SLC39A11: variants seen among roughly 807,000 people sequenced by gnomAD.
SLC39A11 encodes solute carrier family 39 member 11.
In SLC39A11, 33 loss-of-function variants were observed where a neutral mutation model predicts 36.1. The ratio of observed to expected loss-of-function variants is 0.91; its 90% confidence interval spans 0.69 to 1.22. SLC39A11 has a LOEUF of 1.22. Ranked by LOEUF, SLC39A11 falls within the 50% of genes most tolerant of loss-of-function variation. The pLI is 0.00. For missense variants in SLC39A11, 432 were observed against 430.3 expected, an observed-to-expected ratio of 1.00 and a Z score of -0.03; for synonymous variants, 166 against 170.3, an observed-to-expected ratio of 0.97 and a Z score of 0.20.
chr17:72,883,004 C>A (rs4131013), intron 5 of SLC39A11, among the ~76,000 whole-genome samples: 51,741 of 151,436 alleles, frequency 0.34, 9,322 homozygotes, highest in East Asian at 0.71. Flanking sequence ...ATCATGTTGG[C>A]CAGGCTGGTC....
chr17:72,985,927 T>C (rs2088711400), intron 4 of SLC39A11, among the ~76,000 whole-genome samples: 1 of 151,850 alleles, frequency 6.6e-6, no homozygotes, highest in Non-Finnish European at 1.5e-5. Flanking sequence ...AAAGGAGAAA[T>C]TTGGACACAG....
At position 72,761,803 on chromosome 17, in the gene SLC39A11, T is replaced by C. The variant is rs140544983; in HGVS notation, c.602-25084A>G. ...TTATGGGCCAATTGCAATGTCCTAATGAGCAACATGCAATGCTCAGATCAA... is the reference window on the plus strand; with the variant it reads ...TTATGGGCCAATTGCAATGTCCTAACGAGCAACATGCAATGCTCAGATCAA... On this transcript the variant is annotated intron_variant, in intron 6 of 9. Transcript: ENST00000255559. Among the ~76,000 whole-genome samples the C allele has an allele frequency of 1.3e-4, 20 of 152,312 alleles. No homozygotes were observed. In the East Asian group the frequency reaches 3.7e-3, roughly 28 times the overall value.
At chr17:72,953,636 T>G (rs2086027184) in intron 4 of SLC39A11, among the ~76,000 whole-genome samples, 1 of 152,182 alleles carries the variant, frequency 6.6e-6, no homozygotes, top group African/African-American at 2.4e-5. Context: ...ATATTAAGTC[T>G]ACAAGGGCGA....
In SLC39A11 at chr17:72,862,960, A is replaced by G. The variant is rs964112516; in HGVS notation, c.431-13156T>C. Among the ~76,000 whole-genome samples the G allele has an allele frequency of 6.6e-5, 10 of 152,148 alleles. No homozygotes were observed. In the East Asian group the frequency reaches 1.9e-3, roughly 29 times the overall value. ...CATGCAAAAACAAAACACAAAACAA[A>G]CGACAAGAAAACCCCACAAAAGCAC... On this transcript the variant is annotated intron_variant, in intron 5 of 9. Coordinates refer to ENST00000255559, the MANE Select transcript of SLC39A11 (RefSeq NM_139177.4).
chr17:72,791,213 G>A (rs566935745), intron 6 of SLC39A11, among the ~76,000 whole-genome samples: 8 of 152,318 alleles, frequency 5.3e-5, no homozygotes, highest in South Asian at 2.1e-4. Flanking sequence ...CCAACACTTC[G>A]GGAGGCCGAG....
intron 3 of SLC39A11, among the ~76,000 whole-genome samples, chr17:73,061,708 T>C (rs2059844532): frequency 6.6e-6 from 1 of 152,166 alleles, no homozygotes; most frequent in African/African-American, 2.4e-5. Context: ...TTAAAAGTTC[T>C]GTGCAGGCTG....
intron 6 of SLC39A11, among the ~76,000 whole-genome samples, chr17:72,763,143 G>C (rs566391046): frequency 6.6e-6 from 1 of 152,160 alleles, no homozygotes; most frequent in South Asian, 2.1e-4. Flanking sequence ...GCTCCCAACA[G>C]GATTTAGATT....
At chr17:73,080,102 C>T (rs934429765) in intron 3 of SLC39A11, among the ~76,000 whole-genome samples, 1 of 152,138 alleles carries the variant, frequency 6.6e-6, no homozygotes, top group African/African-American at 2.4e-5. Flanking sequence ...CATCAAAACA[C>T]CACCATCATT....
At chr17:72,801,636 T>A (rs532883400) in intron 6 of SLC39A11, among the ~76,000 whole-genome samples, 14 of 152,362 alleles carry the variant, frequency 9.2e-5, no homozygotes, top group African/African-American at 3.1e-4. Context: ...GGTATGTGAA[T>A]TAAATCAACA....
At chr17:72,936,752 G>T (rs919992649) in intron 5 of SLC39A11, among the ~76,000 whole-genome samples, 1 of 121,364 alleles carries the variant, frequency 8.2e-6, no homozygotes, top group Non-Finnish European at 1.7e-5. Flanking sequence ...GGAGGTGGGG[G>T]GTAGGGGGTG....
intron 3 of SLC39A11, among the ~76,000 whole-genome samples, chr17:73,047,990 A>AAATATATAT (rs1555693446): frequency 5.1e-5 from 3 of 58,702 alleles, no homozygotes; most frequent in Non-Finnish European, 9.0e-5. Context: ...AAAAAAAAAA[A>AAATATATAT]ATATATATAT....
At chr17:72,882,468 G>A (rs947222047) in intron 5 of SLC39A11, among the ~76,000 whole-genome samples, 5 of 151,586 alleles carry the variant, frequency 3.3e-5, no homozygotes, top group African/African-American at 9.7e-5. Context: ...ATCCAAGTAC[G>A]ATGATTAGGA....
In SLC39A11 at chr17:72,655,471, T is replaced by C. The variant is rs553815697; in HGVS notation, c.672-6203A>G. Among the ~76,000 whole-genome samples the C allele has an allele frequency of 3.3e-5, 5 of 152,288 alleles. No individual in the cohort carries two copies. The South Asian group carries it at 1.0e-3, about 32-fold the overall frequency. ...CGGCCCTGCCCTGGAGATCTCGGTTTATTGCCGTGGCATTGGGCCCCCTGT... is the reference window on the plus strand; with the variant it reads ...CGGCCCTGCCCTGGAGATCTCGGTTCATTGCCGTGGCATTGGGCCCCCTGT... On this transcript the variant is annotated intron_variant, in intron 7 of 9. Transcript: ENST00000255559.
At chr17:72,960,761 T>C (rs944315638) in intron 4 of SLC39A11, among the ~76,000 whole-genome samples, 2 of 152,028 alleles carry the variant, frequency 1.3e-5, no homozygotes, top group African/African-American at 2.4e-5. Context: ...CAGTGAGCCA[T>C]GATCGCACCA....
intron 3 of SLC39A11, among the ~76,000 whole-genome samples, chr17:73,071,546 G>A (rs1425835500): frequency 6.6e-6 from 1 of 152,236 alleles, no homozygotes; most frequent in Non-Finnish European, 1.5e-5. Context: ...ACATTCCAGA[G>A]AGCATTCCTC....
chr17:72,896,647 C>A (rs2082044215), intron 5 of SLC39A11, among the ~76,000 whole-genome samples: 1 of 152,070 alleles, frequency 6.6e-6, no homozygotes, highest in Non-Finnish European at 1.5e-5. Context: ...ATTTATAACA[C>A]ATTTGTTCAT....
At chr17:73,034,927 CT>C (rs1457390799) in intron 3 of SLC39A11, among the ~76,000 whole-genome samples, 1 of 152,176 alleles carries the variant, frequency 6.6e-6, no homozygotes, top group Non-Finnish European at 1.5e-5. Context: ...CGCATCCCAG[CT>C]GATTCAGGTA....
At chr17:72,697,197 G>T (rs560509980) in intron 7 of SLC39A11, among the ~76,000 whole-genome samples, 1 of 152,262 alleles carries the variant, frequency 6.6e-6, no homozygotes, top group Admixed American at 6.5e-5. Context: ...ATCCCCCCAT[G>T]TCAGCCTCCT....
intron 3 of SLC39A11, among the ~76,000 whole-genome samples, chr17:73,045,162 C>T (rs1363218205): frequency 2.6e-5 from 4 of 151,816 alleles, no homozygotes; most frequent in Admixed American, 6.6e-5. Flanking sequence ...CCTGACAAGG[C>T]CCAGGCCCAT....
Sources: allele counts gnomAD v4.1 joint callset (sites outside exome capture counted in the v4.1 genomes callset), GRCh38; gene constraint gnomAD v4.1.1; transcripts MANE v1.5; gene names NCBI Gene and HGNC (gene_info 2026-07-23, HGNC 2026-07-21).